The following BLZF1 variants were observed in gnomAD, a reference collection of about 807,000 sequenced individuals.
BLZF1 encodes basic leucine zipper nuclear factor 1.
Under a neutral mutation model 43.8 loss-of-function variants are expected in BLZF1, and 39 were observed. The observed-to-expected ratio is 0.89, with a 90% CI of 0.69 to 1.16. The LOEUF is 1.16. Among genes scored for constraint, BLZF1 ranks in the 50% most tolerant of loss-of-function variants. BLZF1 has a pLI of 0.00. For missense variants in BLZF1, 449 were observed against 469.8 expected (o/e 0.96, Z 0.41); for synonymous variants, 136 against 159.4 (o/e 0.85, Z 1.11).
At chr1:169,386,578 C>T (rs963237663) in intron 6 of BLZF1, among the ~76,000 whole-genome samples, 1 of 149,586 alleles carries the variant, frequency 6.7e-6, no homozygotes, top group Admixed American at 6.8e-5. Context: ...ACTCGGGAGG[C>T]AGAGGCAGGA....
chr1:169,386,929 A>C (rs1379685878), intron 6 of BLZF1, 68 bp from the exon 7 acceptor site: 8 of 1,141,322 alleles, frequency 7.0e-6, no homozygotes. Context: ...GTAGGTATAC[A>C]TCAATGAAAT....
At chr1:169,380,282 T>C (rs1422290964) in intron 4 of BLZF1, among the ~76,000 whole-genome samples, 199 bp from the exon 5 acceptor site, 1 of 152,052 alleles carries the variant, frequency 6.6e-6, no homozygotes, top group Non-Finnish European at 1.5e-5. Context: ...TAAATGAATA[T>C]TTTAACTGAA....
At chr1:169,380,424 T>C in intron 4 of BLZF1, 57 bp from the exon 5 acceptor site, 1 of 1,505,706 alleles carries the variant, frequency 6.6e-7, no homozygotes, top group Non-Finnish European at 9.1e-7. Context: ...GTATATTCAA[T>C]TTTTTACACT....
At chr1:169,382,578 CTG>C (rs1654557703) in intron 6 of BLZF1, among the ~76,000 whole-genome samples, 1 of 152,190 alleles carries the variant, frequency 6.6e-6, no homozygotes, top group African/African-American at 2.4e-5. Flanking sequence ...ATAAAAACCA[CTG>C]TGTAGAATTT....
intron 3 of BLZF1, 81 bp from the exon 4 acceptor site, chr1:169,378,243 GAAACAC>G: frequency 7.5e-7 from 1 of 1,336,666 alleles, no homozygotes; most frequent in South Asian, 1.3e-5. Flanking sequence ...AAATTACACA[GAAACAC>G]AGTCTCTTTT....
intron 6 of BLZF1, among the ~76,000 whole-genome samples, chr1:169,383,431 C>T (rs1654582289): frequency 6.6e-6 from 1 of 152,124 alleles, no homozygotes; most frequent in Non-Finnish European, 1.5e-5. Context: ...GAAAAATCTT[C>T]CCTCTATTGT....
chr1:169,388,962 A>C (rs1654750344), downstream of BLZF1, among the ~76,000 whole-genome samples: 1 of 152,206 alleles, frequency 6.6e-6, no homozygotes, highest in South Asian at 2.1e-4. Context: ...TCTCTACTAA[A>C]AATACAAAAA....
chr1:169,388,415 T>C (rs1260815303), downstream of BLZF1: 1 of 152,182 alleles, frequency 6.6e-6, no homozygotes, highest in Non-Finnish European at 1.5e-5. Flanking sequence ...TTACTTACTA[T>C]AAAAGTCTCA....
At chr1:169,373,088 A>G (rs1184781739) in intron 2 of BLZF1, among the ~76,000 whole-genome samples, 1 of 152,132 alleles carries the variant, frequency 6.6e-6, no homozygotes, top group African/African-American at 2.4e-5. Context: ...CACAAAGCCT[A>G]AAATATTTAC....
intron 6 of BLZF1, among the ~76,000 whole-genome samples, chr1:169,384,776 A>G (rs1450024496): frequency 1.3e-5 from 2 of 152,062 alleles, no homozygotes; most frequent in South Asian, 2.1e-4. Flanking sequence ...CCATCCTTCC[A>G]TTGTACTTTG....
Position 169,378,352 on chromosome 1 carries a change from T to A in BLZF1, c.491T>A (p.Leu164Ter). ...TAGGTAAATCGTGAGTTAAAAAAGTTACTGGTGGCTTCTGTTGGGGATGAT... is the reference window on the plus strand; with the variant it reads ...TAGGTAAATCGTGAGTTAAAAAAGTAACTGGTGGCTTCTGTTGGGGATGAT... ...QTEVNRELKK[L>*]LVASVGDDLQ... The change falls in exon 4 of 7, where the codon TTA becomes TAA. Residue 164 changes from leucine to a stop codon, truncating the protein, a stop_gained. Coordinates refer to ENST00000367808, the MANE Select transcript of BLZF1 (RefSeq NM_001320973.2). LOFTEE classifies it high-confidence loss of function. 2 of 1,612,722 alleles carry A rather than the reference T, an allele frequency of 1.2e-6. No homozygotes were observed. Among genetic ancestry groups the A allele is most frequent in the Non-Finnish European group, 1.7e-6 (2 of 1,178,958 alleles).
intron 5 of BLZF1, among the ~76,000 whole-genome samples, chr1:169,381,088 C>T (rs1208812426): frequency 6.6e-6 from 1 of 151,544 alleles, no homozygotes; most frequent in African/African-American, 2.4e-5. Flanking sequence ...CAGTAAGTGT[C>T]AAAGAGCAAA....
At chr1:169,391,280 G>C (rs1456460470), downstream of BLZF1, among the ~76,000 whole-genome samples, 2 of 152,136 alleles carry the variant, frequency 1.3e-5, no homozygotes, top group Non-Finnish European at 2.9e-5. Flanking sequence ...CTTTGAGTTC[G>C]TCCGCTCCTG....
At chr1:169,384,186 C>T (rs971472543) in intron 6 of BLZF1, among the ~76,000 whole-genome samples, 2 of 152,228 alleles carry the variant, frequency 1.3e-5, no homozygotes, top group African/African-American at 4.8e-5. Flanking sequence ...ATAAAAAACA[C>T]ATATAAAGCC....
intron 6 of BLZF1, among the ~76,000 whole-genome samples, chr1:169,385,671 T>C (rs1475315351): frequency 1.3e-5 from 2 of 152,174 alleles, no homozygotes; most frequent in Non-Finnish European, 2.9e-5. Context: ...CAAACTTCCA[T>C]AAAAATAGAA....
intron 6 of BLZF1, among the ~76,000 whole-genome samples, chr1:169,385,987 A>G (rs540591029): frequency 1.3e-5 from 2 of 152,328 alleles, no homozygotes; most frequent in South Asian, 4.1e-4. Context: ...CCATAACCCA[A>G]ACACATCATG....
In BLZF1 at chr1:169,382,065, A is replaced by G; in HGVS notation, c.801A>G (p.Leu267=). 1 of 1,612,894 alleles carries G rather than the reference A, an allele frequency of 6.2e-7. No individual in the cohort carries two copies. The highest frequency in any genetic ancestry group is 2.2e-5 in the East Asian group (1 of 44,860). Residue 267 remains leucine, a synonymous_variant, in exon 6 of 7, where the codon TTA becomes TTG. Transcript: ENST00000367808. ...FRQEMIATQK[L]LEELLVSLQW... ...TGTTCATGTGTGTTCTATGCAGATT[A>G]TTGGAGGAGCTCTTAGTTTCCTTGC...
rs767207875 is a variant in BLZF1, at chr1:169,382,152, A to G, written c.888A>G (p.Ala296=). The part of the protein sequence containing the change: ...SVQPHSTAEL[A]LTNHKLAKAV... ...AACCCCACAGCACAGCAGAGCTAGCATTAACAAATCACAAGTTGGCAAAAG... is the reference window on the plus strand; with the variant it reads ...AACCCCACAGCACAGCAGAGCTAGCGTTAACAAATCACAAGTTGGCAAAAG... The change falls in exon 6 of 7, where the codon GCA becomes GCG. Residue 296 remains alanine, a synonymous_variant. Transcript: ENST00000367808. The G allele has an allele frequency of 1.9e-6, 3 of 1,613,898 alleles. No homozygotes were observed. The highest frequency in any genetic ancestry group is 4.5e-5 in the East Asian group (2 of 44,866).
intron 4 of BLZF1, among the ~76,000 whole-genome samples, chr1:169,379,904 G>C (rs527996788): frequency 6.6e-6 from 1 of 151,856 alleles, no homozygotes; most frequent in East Asian, 1.9e-4. Context: ...AGAAAAGTTC[G>C]TATTCAGTAT....
Sources: gnomAD v4.1 joint callset for allele counts (sites outside exome capture counted in the v4.1 genomes callset) on GRCh38, gnomAD v4.1.1 for gene constraint, MANE v1.5 for transcripts, NCBI Gene and HGNC (gene_info 2026-07-23, HGNC 2026-07-21) for gene names.